Variants in DOCK8 observed in about 807,000 individuals in gnomAD.
DOCK8 encodes dedicator of cytokinesis 8.
A neutral mutation model predicts 245.6 loss-of-function variants in DOCK8; 141 were observed. That is an observed-to-expected ratio of 0.57 (90% CI 0.50 to 0.66). The LOEUF (loss-of-function observed/expected upper bound fraction) is 0.66, where lower values mean the gene tolerates loss of function less well. Among genes scored for constraint, DOCK8 ranks in the 30% least tolerant of loss-of-function variants. The probability of loss-of-function intolerance (pLI) is 0.00; values close to 1 mark genes in which losing one functional copy is unlikely to be tolerated. For synonymous variants in DOCK8, 1,168 were observed against 970.2 expected (o/e 1.20, Z -3.79); for missense variants, 2,965 against 2,603.4 (o/e 1.14, Z -3.02).
Position 432,235 on chromosome 9 carries a change from A to C in DOCK8, c.4696A>C (p.Asn1566His), listed in dbSNP as rs753700819. The C allele has an allele frequency of 6.2e-7, 1 of 1,613,756 alleles. No homozygotes were observed. Among genetic ancestry groups the C allele is most frequent in the Non-Finnish European group, 8.5e-7 (1 of 1,179,976 alleles). The change falls in exon 37 of 48, where the codon AAT becomes CAT. Residue 1566 changes from asparagine (N) to histidine (H), a missense_variant. By Grantham distance (68) the Asn-to-His change is moderately conservative. Transcript: ENST00000432829. ...TTTGGTGGGAAGAGCACCAGACTTT[A>C]ATGAAGAGCACCTGAGAAGATCCTT... ...ASLVGRAPDF[N>H]EEHLRRSLRT...
chr9:274,027 A>G (rs2048244992), intron 2 of DOCK8, among the ~76,000 whole-genome samples: 1 of 152,208 alleles, frequency 6.6e-6, no homozygotes, highest in Non-Finnish European at 1.5e-5. Flanking sequence ...CTTTAATGCC[A>G]CAGCCTTAAA....
intron 15 of DOCK8, chr9:369,891 TC>T: frequency 2.9e-6 from 1 of 340,908 alleles, no homozygotes. Context: ...AACCTCTGCT[TC>T]CTAGGCTCAA....
intron 8 of DOCK8, among the ~76,000 whole-genome samples, chr9:326,195 C>G (rs1439241694): frequency 6.6e-6 from 1 of 152,166 alleles, no homozygotes; most frequent in African/African-American, 2.4e-5. Context: ...AAACAGTGAC[C>G]AAGACCTCTC....
At chr9:232,797 G>A (rs968553654) in intron 1 of DOCK8, among the ~76,000 whole-genome samples, 9 of 151,754 alleles carry the variant, frequency 5.9e-5, no homozygotes, top group Admixed American at 6.6e-5. Context: ...TTTCTTCTTT[G>A]TTAGTCTTGC....
chr9:270,304 C>G, intron 1 of DOCK8, among the ~76,000 whole-genome samples: 1 of 152,212 alleles, frequency 6.6e-6, no homozygotes, highest in Non-Finnish European at 1.5e-5. Flanking sequence ...TGAAGGTGCT[C>G]CAGTCTTATT....
At chr9:215,466 C>T (rs181764542) in intron 1 of DOCK8, 8 of 1,481,280 alleles carry the variant, frequency 5.4e-6, no homozygotes, top group Non-Finnish European at 7.2e-6. Context: ...ATTAGAGTTG[C>T]GTTTGAGGCA....
chr9:412,348 T>A (rs1309024103), intron 28 of DOCK8, among the ~76,000 whole-genome samples: 1 of 144,020 alleles, frequency 6.9e-6, no homozygotes, highest in African/African-American at 2.6e-5. Context: ...GAGGTTGTAG[T>A]GAGCTGAGAT....
At chr9:380,020 C>G in intron 21 of DOCK8, 85 bp downstream of exon 21, 1 of 1,491,146 alleles carries the variant, frequency 6.7e-7, no homozygotes, top group Non-Finnish European at 9.1e-7. Context: ...ATAAAACATC[C>G]TATGCTGGGT....
In DOCK8 at chr9:418,117, A is replaced by G. The variant is rs1314508230; in HGVS notation, c.3750A>G (p.Glu1250=). The change falls in exon 30 of 48, where the codon GAA becomes GAG. Residue 1250 remains glutamate, a synonymous_variant. Transcript: ENST00000432829. ...YRTSGSDEEQ[E]GAGAINQNVA... is the part of the protein sequence containing the mutation. ...CCAGTGGCTCGGATGAAGAACAAGA[A>G]GGAGCCGGTGCCATTAACCAGAATG... The G allele has an allele frequency of 6.2e-7, 1 of 1,614,138 alleles. No individual in the cohort carries two copies. Among genetic ancestry groups the G allele is most frequent in the Non-Finnish European group, 8.5e-7 (1 of 1,180,054 alleles).
At chr9:387,312 A>G (rs56127419) in intron 23 of DOCK8, among the ~76,000 whole-genome samples, 13,585 of 152,036 alleles carry the variant, frequency 0.089, 2,027 homozygotes, top group African/African-American at 0.31. Flanking sequence ...GCATGATGGC[A>G]GGCACCTGTA....
chr9:280,255 A>G (rs1029817394), intron 2 of DOCK8, among the ~76,000 whole-genome samples: 4 of 152,218 alleles, frequency 2.6e-5, no homozygotes, highest in African/African-American at 9.6e-5. Flanking sequence ...AAAAACAACT[A>G]AAAAGAAAGA....
chr9:427,028 T>A (rs113419890), intron 34 of DOCK8, 47 bp downstream of exon 34: 2 of 1,519,040 alleles, frequency 1.3e-6, no homozygotes, highest in Non-Finnish European at 1.8e-6. Flanking sequence ...ATGAATATGT[T>A]TACTAGAATA....
In DOCK8 at chr9:428,363, C is replaced by T. The variant is rs529920844; in HGVS notation, c.4340C>T (p.Ala1447Val). The change falls in exon 35 of 48, where the codon GCG becomes GTG. Residue 1447 changes from alanine to valine, a missense_variant and splice_region_variant. Ala to Val is a moderately conservative substitution (Grantham distance 64, BLOSUM62 0). This residue lies in a region of DOCK8 where 2,825 missense variants were observed against 2,453.5 expected (regional missense o/e 1.15). Coordinates refer to ENST00000432829, the MANE Select transcript of DOCK8 (RefSeq NM_203447.4). ...ILDMQENIIQ[A>V]SSALDCKDSL... ...GATGCTGTTCTTCCATTCCCCCAGG[C>T]GAGCTCGGCTCTGGACTGTAAAGAC... 17 of 1,614,140 alleles carry T rather than the reference C, an allele frequency of 1.1e-5. No individual in the cohort carries two copies. The highest frequency in any genetic ancestry group is 6.7e-5 in the Admixed American group (4 of 60,028).
At chr9:271,521 C>T in intron 1 of DOCK8, 106 bp from the exon 2 acceptor site, 1 of 892,992 alleles carries the variant, frequency 1.1e-6, no homozygotes. Context: ...TGCTCATTGC[C>T]CAGCCAAGGC....
chr9:352,861 T>C (rs909187380), intron 14 of DOCK8, among the ~76,000 whole-genome samples: 1 of 152,176 alleles, frequency 6.6e-6, no homozygotes, highest in Admixed American at 6.5e-5. Context: ...CACACTGGTA[T>C]GAGTGTAGGG....
At chr9:220,689 T>A (rs2046860810) in intron 1 of DOCK8, 1 of 400,194 alleles carries the variant, frequency 2.5e-6, no homozygotes, top group South Asian at 1.8e-5. Context: ...GCTACTGCTG[T>A]TCCCACAAGC....
intron 30 of DOCK8, among the ~76,000 whole-genome samples, chr9:419,866 A>G (rs968080295): frequency 6.6e-6 from 1 of 152,250 alleles, no homozygotes; most frequent in African/African-American, 2.4e-5. Context: ...CTCCACAAAC[A>G]TGGATTTGAT....
intron 22 of DOCK8, among the ~76,000 whole-genome samples, chr9:385,294 A>T (rs1177812653): frequency 1.3e-5 from 2 of 152,240 alleles, no homozygotes; most frequent in African/African-American, 4.8e-5. Flanking sequence ...AGTTAATAGT[A>T]ACATATCAAT....
intron 20 of DOCK8, among the ~76,000 whole-genome samples, chr9:377,972 T>A (rs542657498): frequency 6.6e-6 from 1 of 152,362 alleles, no homozygotes. Flanking sequence ...GCCACCATTT[T>A]CAGCTGTGCC....
Sources: gnomAD v4.1 joint callset for allele counts (sites outside exome capture counted in the v4.1 genomes callset) on GRCh38, gnomAD v4.1.1 for gene constraint, gnomAD v4.1.1 regional missense constraint, MANE v1.5 for transcripts, NCBI Gene and HGNC (gene_info 2026-07-23, HGNC 2026-07-21) for gene names.